IL36B: variants seen among roughly 807,000 people sequenced by gnomAD.
IL36B encodes interleukin 36 beta.
Under a neutral mutation model 19.3 loss-of-function variants are expected in IL36B, and 23 were observed. The observed-to-expected ratio is 1.19, with a 90% confidence interval of 0.86 to 1.69. The LOEUF (loss-of-function observed/expected upper bound fraction) is 1.69, where lower values mean the gene tolerates loss of function less well. Ranked by LOEUF, IL36B falls within the 40% of genes most tolerant of loss-of-function variation. IL36B has a pLI of 0.00. For synonymous variants in IL36B, 59 were observed against 59.7 expected (o/e 0.99, Z 0.05); for missense variants, 217 against 200.5 (o/e 1.08, Z -0.50).
intron 5 of IL36B, among the ~76,000 whole-genome samples, chr2:113,025,718 T>A (rs1166747852): frequency 6.6e-6 from 1 of 152,064 alleles, no homozygotes. Flanking sequence ...TAGTAAGACA[T>A]AGGCAGCAAT....
In IL36B at chr2:113,029,214, A is replaced by G. The variant is rs539977008; in HGVS notation, c.122-136T>C. The G allele has an allele frequency of 4.6e-4, 381 of 829,420 alleles. 3 individuals are homozygous for G. Among genetic ancestry groups the G allele is most frequent in the Admixed American group, 7.7e-4 (26 of 33,812 alleles). The allele number at this position is 829,420 out of a possible 1,614,324, so 51.4% of individuals were successfully genotyped here. The stretch of plus-strand genomic sequence containing the variant: ...AGAGACCCTCCATCACCCTCCTCAA[A>G]CCTATTTTGTTTTTCGTCCTTAATA... On this transcript the variant is annotated intron_variant, in intron 3 of 5. Transcript: ENST00000259213.
intron 1 of IL36B, among the ~76,000 whole-genome samples, 191 bp from the exon 2 acceptor site, chr2:113,031,957 A>G (rs574669915): frequency 2.6e-5 from 4 of 152,142 alleles, no homozygotes; most frequent in Non-Finnish European, 4.4e-5. Context: ...GGAAGCTCCC[A>G]TCTCTGCTGT....
intron 1 of IL36B, among the ~76,000 whole-genome samples, chr2:113,052,016 T>C (rs1685456159): frequency 6.6e-6 from 1 of 151,714 alleles, no homozygotes; most frequent in African/African-American, 2.4e-5. Context: ...TGACATGATC[T>C]CAGGTCACTG....
intron 4 of IL36B, chr2:113,027,835 T>C (rs889986456): frequency 3.2e-6 from 5 of 1,583,682 alleles, no homozygotes; most frequent in Non-Finnish European, 4.3e-6. Flanking sequence ...CGCATAATGA[T>C]CTGTTAAGAT....
intron 3 of IL36B, among the ~76,000 whole-genome samples, chr2:113,030,617 C>A (rs17042712): frequency 6.6e-6 from 1 of 152,212 alleles, no homozygotes; most frequent in South Asian, 2.1e-4. Context: ...GATGGACTGA[C>A]TTTTGATGGG....
intron 1 of IL36B, among the ~76,000 whole-genome samples, chr2:113,035,200 T>C (rs1685145283): frequency 6.6e-6 from 1 of 152,140 alleles, no homozygotes; most frequent in Admixed American, 6.5e-5. Flanking sequence ...TGATAGGATG[T>C]CCAACCATGA....
chr2:113,043,372 G>A (rs372933250), intron 1 of IL36B, among the ~76,000 whole-genome samples: 2 of 152,138 alleles, frequency 1.3e-5, no homozygotes, highest in East Asian at 3.9e-4. Flanking sequence ...AATGAAAAAG[G>A]TTTCTTCTAT....
Position 113,031,113 on chromosome 2 carries a change from T to G in IL36B, c.56A>C (p.Gln19Pro), listed in dbSNP as rs1297425774. The G allele has an allele frequency of 6.2e-7, 1 of 1,614,208 alleles. No individual in the cohort carries two copies. The highest frequency in any genetic ancestry group is 1.7e-5 in the Admixed American group (1 of 60,028). Residue 19 changes from glutamine to proline, a missense_variant, in exon 3 of 6, where the codon CAG (glutamine) becomes CCG (proline). Physicochemically the swap from Gln to Pro is moderately conservative, Grantham distance 76. Coordinates refer to ENST00000259213, the MANE Select transcript of IL36B (RefSeq NM_014438.5). ...ATTTCCACTCAGGACCCACACCATC[T>G]GTCGAGAATCACGAATAGCATAGGA...
chr2:113,050,078 C>A (rs1258184613), intron 1 of IL36B, among the ~76,000 whole-genome samples: 3 of 152,206 alleles, frequency 2.0e-5, no homozygotes, highest in African/African-American at 7.2e-5. Context: ...ATAGAATTAT[C>A]CATATGATCC....
chr2:113,027,847 ACT>A (rs1486485241), intron 4 of IL36B: 1 of 1,599,990 alleles, frequency 6.3e-7, no homozygotes, highest in Non-Finnish European at 8.5e-7. Context: ...TGTTAAGATG[ACT>A]CTGACAGCTT....
At chr2:113,046,493 C>T (rs986939036) in intron 1 of IL36B, among the ~76,000 whole-genome samples, 3 of 152,202 alleles carry the variant, frequency 2.0e-5, no homozygotes, top group African/African-American at 7.2e-5. Flanking sequence ...CAGGCGTGAG[C>T]CACCGCGCCT....
intron 4 of IL36B, chr2:113,028,067 AG>A (rs1371340910): frequency 4.3e-6 from 7 of 1,614,024 alleles, no homozygotes; most frequent in Non-Finnish European, 5.1e-6. Flanking sequence ...AAAAAGAGAA[AG>A]GGCTTCTGTG....
At position 113,022,876 on chromosome 2, in the gene IL36B, G is replaced by C. The variant is rs955530307; in HGVS notation, c.392-99C>G. ...CTAAAAGGGCAGATTCTACACGGAG[G>C]CTCCTGGAGGAGATTGGAGTTTGCC... is the stretch of plus-strand genomic sequence containing the variant. On this transcript the variant is annotated intron_variant, in intron 5 of 5. Coordinates refer to ENST00000259213, the MANE Select transcript of IL36B (RefSeq NM_014438.5). The C allele has an allele frequency of 4.1e-6, 3 of 733,684 alleles. No homozygotes were observed. The African/African-American group carries it at 5.2e-5, about 13-fold the overall frequency. The allele number at this position is 733,684 out of a possible 1,614,324, so 45.4% of individuals were successfully genotyped here. A position where few individuals can be genotyped will look rare whatever the true frequency, so the allele number is the denominator to read the frequency against.
intron 1 of IL36B, among the ~76,000 whole-genome samples, chr2:113,047,698 G>A (rs1685372589): frequency 6.6e-6 from 1 of 152,092 alleles, no homozygotes; most frequent in South Asian, 2.1e-4. Flanking sequence ...TTTATCCCCA[G>A]CCTTGTGGAT....
intron 1 of IL36B, among the ~76,000 whole-genome samples, chr2:113,047,455 G>GAATA (rs1014703569): frequency 5.3e-5 from 8 of 152,304 alleles, no homozygotes; most frequent in South Asian, 4.1e-4. Context: ...CTTGTACTAT[G>GAATA]AATATTCTTG....
At position 113,022,734 on chromosome 2, in the gene IL36B, C is replaced by T. The variant is rs777020603; in HGVS notation, c.435G>A (p.Arg145=). 1 of 1,613,442 alleles carries T rather than the reference C, an allele frequency of 6.2e-7. No homozygotes were observed. The highest frequency in any genetic ancestry group is 1.7e-5 in the Admixed American group (1 of 60,016). The change falls in exon 6 of 6, where the codon AGG becomes AGA. Residue 145 remains arginine, a synonymous_variant. Transcript: ENST00000259213. Reference sequence around the variant, plus strand: ...TGGATGAGAAATCTTTGTCCTTCTTCCTGAGATGGTGATGTTGAAAGGAAC... The same window carrying T: ...TGGATGAGAAATCTTTGTCCTTCTTTCTGAGATGGTGATGTTGAAAGGAAC...
At chr2:113,033,774 A>G (rs1296849740) in intron 1 of IL36B, among the ~76,000 whole-genome samples, 1 of 152,210 alleles carries the variant, frequency 6.6e-6, no homozygotes, top group African/African-American at 2.4e-5. Flanking sequence ...TGAAAAATCT[A>G]TAATGTGTCC....
At chr2:113,037,955 CTTTAG>C (rs1401603200) in intron 1 of IL36B, among the ~76,000 whole-genome samples, 2 of 152,142 alleles carry the variant, frequency 1.3e-5, no homozygotes, top group African/African-American at 4.8e-5. Flanking sequence ...GTGTGTCTTT[CTTTAG>C]TTTAATTTAT....
intron 1 of IL36B, among the ~76,000 whole-genome samples, chr2:113,032,133 CTGTGTGTGTG>C (rs56385654): frequency 1.3e-4 from 18 of 143,920 alleles, no homozygotes; most frequent in Admixed American, 5.5e-4. Flanking sequence ...GTGTGTGTGT[CTGTGTGTGTG>C]TGTGTGTGTG....
Sources: allele counts gnomAD v4.1 joint callset (sites outside exome capture counted in the v4.1 genomes callset), GRCh38; gene constraint gnomAD v4.1.1; transcripts MANE v1.5; gene names NCBI Gene and HGNC (gene_info 2026-07-23, HGNC 2026-07-21).